Variants in CSNK2A2IP observed in about 807,000 individuals in gnomAD.
The protein encoded by CSNK2A2IP is casein kinase 2 subunit alpha' interacting protein, also known as casein kinase II subunit alpha'-interacting protein.
the CSNK2A2IP span, among the ~76,000 whole-genome samples, chr3:88,449,515 A>C: frequency 6.6e-6 from 1 of 151,922 alleles, no homozygotes; most frequent in Non-Finnish European, 1.5e-5. Context: ...AATGAAAAAA[A>C]TTCTTTATTC....
the CSNK2A2IP span, among the ~76,000 whole-genome samples, chr3:88,445,549 G>T: frequency 1.3e-5 from 2 of 152,054 alleles, no homozygotes; most frequent in Admixed American, 6.6e-5. Context: ...GCTTTGAAAA[G>T]ATATCTTATT....
At chr3:88,358,066 T>C in the CSNK2A2IP span, among the ~76,000 whole-genome samples, 1 of 152,136 alleles carries the variant, frequency 6.6e-6, no homozygotes, top group African/African-American at 2.4e-5. Flanking sequence ...TTTGGTTAAG[T>C]TTATTCCAGG....
the CSNK2A2IP span, among the ~76,000 whole-genome samples, chr3:88,410,853 G>C: frequency 6.6e-6 from 1 of 151,938 alleles, no homozygotes; most frequent in Non-Finnish European, 1.5e-5. Context: ...TTAAAGTAAA[G>C]ACTTTTGTTA....
the CSNK2A2IP span, among the ~76,000 whole-genome samples, chr3:88,425,664 A>T: frequency 6.6e-6 from 1 of 152,142 alleles, no homozygotes; most frequent in Non-Finnish European, 1.5e-5. Context: ...AATGGTAGTA[A>T]TAATAGTGGT....
At chr3:88,382,762 A>T in the CSNK2A2IP span, 1 of 152,106 alleles carries the variant, frequency 6.6e-6, no homozygotes, top group African/African-American at 2.4e-5. Flanking sequence ...GATTGAAGCA[A>T]CTCTGGCCTT....
chr3:88,388,478 T>G, the CSNK2A2IP span, among the ~76,000 whole-genome samples: 1 of 152,208 alleles, frequency 6.6e-6, no homozygotes, highest in African/African-American at 2.4e-5. Context: ...GCAGATTAAG[T>G]CAATTAAAAA....
chr3:88,382,554 A>AT, the CSNK2A2IP span: 3 of 152,072 alleles, frequency 2.0e-5, no homozygotes, highest in Admixed American at 6.5e-5. Flanking sequence ...TTGTTTTCTT[A>AT]TTTTTTGCTG....
the CSNK2A2IP span, among the ~76,000 whole-genome samples, chr3:88,340,191 C>T: frequency 6.6e-6 from 1 of 151,722 alleles, no homozygotes; most frequent in East Asian, 1.9e-4. Flanking sequence ...GAAATGGGTA[C>T]GGAGGTGTAT....
At chr3:88,382,117 C>T in the CSNK2A2IP span, among the ~76,000 whole-genome samples, 2 of 152,174 alleles carry the variant, frequency 1.3e-5, no homozygotes, top group African/African-American at 4.8e-5. Context: ...TCTCTATATC[C>T]TTTTCAATCT....
the CSNK2A2IP span, among the ~76,000 whole-genome samples, chr3:88,432,558 G>A: frequency 0.19 from 28,499 of 151,234 alleles, 2,860 homozygotes; most frequent in African/African-American, 0.22. Flanking sequence ...GCTTAACTGT[G>A]GTAATCACTT....
chr3:88,417,208 T>C, the CSNK2A2IP span, among the ~76,000 whole-genome samples: 1 of 152,158 alleles, frequency 6.6e-6, no homozygotes. Context: ...ATTTAGTTTA[T>C]TTACACAATA....
the CSNK2A2IP span, among the ~76,000 whole-genome samples, chr3:88,396,265 C>T: frequency 1.3e-5 from 2 of 151,654 alleles, no homozygotes; most frequent in Non-Finnish European, 2.9e-5. Flanking sequence ...GCCACCTCGC[C>T]CGGCTAATTT....
the CSNK2A2IP span, among the ~76,000 whole-genome samples, chr3:88,412,397 G>A: frequency 6.6e-6 from 1 of 151,900 alleles, no homozygotes; most frequent in Non-Finnish European, 1.5e-5. Context: ...TTTCTTCCCT[G>A]GACAAGGAGA....
the CSNK2A2IP span, among the ~76,000 whole-genome samples, chr3:88,378,828 A>C: frequency 3.4e-4 from 52 of 152,034 alleles, no homozygotes; most frequent in African/African-American, 1.2e-3. Context: ...AAACAATACA[A>C]TAAATATGTG....
the CSNK2A2IP span, among the ~76,000 whole-genome samples, chr3:88,384,674 G>T: frequency 2.1e-4 from 32 of 152,304 alleles, no homozygotes; most frequent in Non-Finnish European, 4.3e-4. Context: ...AACAATTTTT[G>T]TGGCTATAGA....
the CSNK2A2IP span, among the ~76,000 whole-genome samples, chr3:88,376,469 C>G: frequency 6.6e-6 from 1 of 151,660 alleles, no homozygotes; most frequent in Non-Finnish European, 1.5e-5. Context: ...CTTCATCATT[C>G]TTTTCTTCTA....
the CSNK2A2IP span, chr3:88,466,242 G>A: frequency 8.1e-7 from 1 of 1,231,656 alleles, no homozygotes. Flanking sequence ...GCTTACCAGT[G>A]TCCCATTCAA....
chr3:88,428,095 C>A, the CSNK2A2IP span, among the ~76,000 whole-genome samples: 17 of 152,182 alleles, frequency 1.1e-4, no homozygotes, highest in African/African-American at 3.6e-4. Context: ...TCTTTTGCAT[C>A]AGCATTCCCT....
chr3:88,445,284 A>AAAAAAAAAAAAAAAAAAAAAAAT, the CSNK2A2IP span, among the ~76,000 whole-genome samples: 1 of 144,068 alleles, frequency 6.9e-6, no homozygotes, highest in Admixed American at 7.1e-5. Context: ...CCAAAAAAAA[A>AAAAAAAAAAAAAAAAAAAAAAAT]AAAAAAAAAA....
Sources: allele counts gnomAD v4.1 joint callset (sites outside exome capture counted in the v4.1 genomes callset), GRCh38; gene constraint gnomAD v4.1.1; transcripts MANE v1.5; gene names NCBI Gene and HGNC (gene_info 2026-07-23, HGNC 2026-07-21).